Variants in TP63 observed in about 807,000 individuals in gnomAD.
The protein encoded by TP63 is tumor protein 63.
TP63 carries 17 observed loss-of-function variants against 82.8 expected under a neutral mutation model. That is an observed-to-expected ratio of 0.21 (90% CI 0.14 to 0.31). The LOEUF is 0.31. TP63 is among the 10% of genes least tolerant of loss of function. The probability of loss-of-function intolerance (pLI) is 1.00; values close to 1 mark genes in which losing one functional copy is unlikely to be tolerated. For missense variants in TP63, 648 were observed against 895.3 expected, an observed-to-expected ratio of 0.72 and a Z score of 3.52; for synonymous variants, 330 against 321.7, an observed-to-expected ratio of 1.03 and a Z score of -0.28.
At chr3:189,700,682 A>G (rs1295291812) in intron 1 of TP63, among the ~76,000 whole-genome samples, 1 of 152,250 alleles carries the variant, frequency 6.6e-6, no homozygotes, top group East Asian at 1.9e-4. Flanking sequence ...GGGCGGGGTA[A>G]ACTTTCCATT....
intron 1 of TP63, among the ~76,000 whole-genome samples, chr3:189,677,153 T>C (rs1435535016): frequency 6.6e-6 from 1 of 151,674 alleles, no homozygotes; most frequent in Non-Finnish European, 1.5e-5. Context: ...GGAAAAAACA[T>C]AATTTCATTC....
At chr3:189,793,432 G>A (rs1246225682) in intron 3 of TP63, among the ~76,000 whole-genome samples, 1 of 152,046 alleles carries the variant, frequency 6.6e-6, no homozygotes, top group African/African-American at 2.4e-5. Flanking sequence ...TGAATGCAAA[G>A]TTGCTAAAAC....
At chr3:189,623,864 T>C in the TP63 span, among the ~76,000 whole-genome samples, 1 of 152,196 alleles carries the variant, frequency 6.6e-6, no homozygotes, top group Admixed American at 6.5e-5. Flanking sequence ...TATGTTTCCT[T>C]TTATTCGTTC....
Position 189,700,467 on chromosome 3 carries a change from G to A in TP63, c.63-37273G>A, listed in dbSNP as rs367958105. Among the ~76,000 whole-genome samples, 18 of 152,196 alleles carry A rather than the reference G, an allele frequency of 1.2e-4. No homozygotes were observed. In the East Asian group the frequency reaches 2.3e-3, roughly 20 times the overall value. Reference sequence around the variant, plus strand: ...GTACTTATTAATATCCCAAAATTGCGTATGAGAAATGGAAGCCCCACATGA... The same window carrying A: ...GTACTTATTAATATCCCAAAATTGCATATGAGAAATGGAAGCCCCACATGA... On this transcript the variant is annotated intron_variant, in intron 1 of 13. Transcript: ENST00000264731.
chr3:189,736,009 G>GT (rs1720565196), intron 1 of TP63, among the ~76,000 whole-genome samples: 1 of 151,228 alleles, frequency 6.6e-6, no homozygotes, highest in African/African-American at 2.4e-5. Flanking sequence ...GGATCTCTCT[G>GT]TATTATTCAT....
Position 189,894,734 on chromosome 3 carries a change from T to G in TP63, c.*232T>G. 1.8e-6 allele frequency: 1 copy of G among 562,262 alleles called. No individual in the cohort carries two copies. Among genetic ancestry groups the G allele is most frequent in the Middle Eastern group, 4.8e-4 (1 of 2,068 alleles). The allele number at this position is 562,262 out of a possible 1,614,324, so 34.8% of individuals were successfully genotyped here. A position where few individuals can be genotyped will look rare whatever the true frequency, so the allele number is the denominator to read the frequency against. On this transcript the variant is annotated 3_prime_UTR_variant, in exon 14 of 14. Transcript: ENST00000264731. ...CTTGCAGAACTGTAGCTGCCATGGC[T>G]AGGTAGAAGTGAGCAAAAAAGAGTT...
intron 1 of TP63, among the ~76,000 whole-genome samples, chr3:189,642,454 C>T (rs1318882973): frequency 3.3e-5 from 5 of 152,134 alleles, no homozygotes; most frequent in Non-Finnish European, 5.9e-5. Context: ...AATAGTATAA[C>T]GTTTAAGAGA....
intron 2 of TP63, 30 bp from the exon 3 acceptor site, chr3:189,738,612 T>C (rs1176679162): frequency 1.2e-6 from 2 of 1,613,962 alleles, no homozygotes; most frequent in African/African-American, 2.7e-5. Flanking sequence ...TTTCCATGCC[T>C]AACTCACTTT....
intron 5 of TP63, among the ~76,000 whole-genome samples, chr3:189,866,409 A>G (rs1717730093): frequency 6.6e-6 from 1 of 152,184 alleles, no homozygotes; most frequent in Admixed American, 6.5e-5. Flanking sequence ...AGAGTTCCAT[A>G]AAGCTTGAAT....
intron 10 of TP63, chr3:189,880,144 A>G (rs746084940): frequency 4.3e-6 from 7 of 1,613,752 alleles, no homozygotes; most frequent in Middle Eastern, 1.6e-4. Context: ...TTCTTTAGAC[A>G]TTCCAAGCCC....
At chr3:189,607,491 AT>A in the TP63 span, among the ~76,000 whole-genome samples, 7 of 152,078 alleles carry the variant, frequency 4.6e-5, no homozygotes, top group Non-Finnish European at 1.0e-4. Context: ...ATTACAAATA[AT>A]TTTTCCTAGT....
chr3:189,886,729 T>C (rs530559129), intron 11 of TP63, among the ~76,000 whole-genome samples, 178 bp downstream of exon 11: 13 of 152,294 alleles, frequency 8.5e-5, no homozygotes, highest in African/African-American at 3.1e-4. Flanking sequence ...TTATCATTCA[T>C]TGCAAAATAT....
intron 12 of TP63, among the ~76,000 whole-genome samples, chr3:189,890,555 C>T (rs748647103): frequency 7.2e-5 from 11 of 152,120 alleles, no homozygotes; most frequent in African/African-American, 2.7e-4. Flanking sequence ...ATATGATAAT[C>T]GCTGATCTGC....
chr3:189,874,511 G>A (rs1718806726), intron 10 of TP63, among the ~76,000 whole-genome samples: 1 of 152,176 alleles, frequency 6.6e-6, no homozygotes, highest in African/African-American at 2.4e-5. Flanking sequence ...AGCTATTTGA[G>A]CATCCAAGAT....
chr3:189,718,485 C>T (rs1170713279), intron 1 of TP63, among the ~76,000 whole-genome samples: 2 of 148,916 alleles, frequency 1.3e-5, no homozygotes, highest in East Asian at 2.0e-4. Flanking sequence ...ATCTTGTGAG[C>T]GGTCACTCAC....
chr3:189,803,023 G>C (rs907759836), intron 3 of TP63, among the ~76,000 whole-genome samples: 2 of 152,166 alleles, frequency 1.3e-5, no homozygotes, highest in Non-Finnish European at 2.9e-5. Flanking sequence ...TCTTGGCCAG[G>C]TGTGGTGTCT....
At chr3:189,616,190 T>G in the TP63 span, among the ~76,000 whole-genome samples, 4 of 152,250 alleles carry the variant, frequency 2.6e-5, no homozygotes. Flanking sequence ...CCTCTCATCC[T>G]AGCTAATTTG....
intron 4 of TP63, among the ~76,000 whole-genome samples, chr3:189,858,878 A>C (rs1716648079): frequency 6.6e-6 from 1 of 152,220 alleles, no homozygotes; most frequent in African/African-American, 2.4e-5. Context: ...AGAAAGATGT[A>C]ACCACAAGAT....
chr3:189,778,047 G>A (rs534472138), intron 3 of TP63, among the ~76,000 whole-genome samples: 4 of 151,788 alleles, frequency 2.6e-5, no homozygotes, highest in East Asian at 1.9e-4. Context: ...GTAGAGGCAG[G>A]GTTTCACCAT....
Sources: allele counts gnomAD v4.1 joint callset (sites outside exome capture counted in the v4.1 genomes callset), GRCh38; gene constraint gnomAD v4.1.1; transcripts MANE v1.5; gene names NCBI Gene and HGNC (gene_info 2026-07-23, HGNC 2026-07-21).